HSD17B12: variants seen among roughly 807,000 people sequenced by gnomAD.
HSD17B12 encodes hydroxysteroid 17-beta dehydrogenase 12.
HSD17B12 carries 32 observed loss-of-function variants against 39.3 expected under a neutral mutation model. That is an observed-to-expected ratio of 0.81 (90% CI 0.61 to 1.09). The LOEUF is 1.09. Among genes scored for constraint, HSD17B12 ranks in the 50% least tolerant of loss-of-function variants. HSD17B12 has a pLI of 0.00. For synonymous variants in HSD17B12, 150 were observed against 146.7 expected, an observed-to-expected ratio of 1.02 and a Z score of -0.16; for missense variants, 342 against 382.9, an observed-to-expected ratio of 0.89 and a Z score of 0.89.
the HSD17B12 span, among the ~76,000 whole-genome samples, chr11:43,637,457 G>A: frequency 1.3e-5 from 2 of 152,090 alleles, no homozygotes; most frequent in Admixed American, 1.3e-4. Flanking sequence ...CTGACCTCAG[G>A]TGATCCGCAG....
chr11:43,762,516 T>G (rs770803552), intron 3 of HSD17B12, among the ~76,000 whole-genome samples: 3 of 152,236 alleles, frequency 2.0e-5, no homozygotes, highest in Non-Finnish European at 4.4e-5. Context: ...TGACATTCAG[T>G]TTATGGCCGG....
the HSD17B12 span, among the ~76,000 whole-genome samples, chr11:43,584,926 G>A: frequency 6.6e-6 from 1 of 152,232 alleles, no homozygotes; most frequent in Non-Finnish European, 1.5e-5. Flanking sequence ...CCCCTAAGCA[G>A]GACTTGGGCC....
chr11:43,827,758 T>C (rs1161584258), intron 6 of HSD17B12, among the ~76,000 whole-genome samples: 2 of 152,224 alleles, frequency 1.3e-5, no homozygotes, highest in African/African-American at 2.4e-5. Context: ...TTTGATTTTG[T>C]ATAAGCGAAA....
chr11:43,679,472 TTAAG>T (rs1949720549), upstream of HSD17B12, among the ~76,000 whole-genome samples: 1 of 152,168 alleles, frequency 6.6e-6, no homozygotes, highest in African/African-American at 2.4e-5. Context: ...CAAAATCTCC[TTAAG>T]TTTTACACAA....
At chr11:43,666,094 A>C in the HSD17B12 span, among the ~76,000 whole-genome samples, 1 of 148,530 alleles carries the variant, frequency 6.7e-6, no homozygotes, top group Admixed American at 6.7e-5. Context: ...CTTCCTTTCC[A>C]CTCCAGTCAT....
intron 4 of HSD17B12, among the ~76,000 whole-genome samples, chr11:43,810,101 G>A (rs1055676007): frequency 2.0e-5 from 3 of 152,004 alleles, no homozygotes; most frequent in Non-Finnish European, 4.4e-5. Context: ...GGGGTTACCC[G>A]TATCTGTTAG....
At chr11:43,657,761 T>C in the HSD17B12 span, among the ~76,000 whole-genome samples, 148,176 of 152,278 alleles carry the variant, frequency 0.97, 72,227 homozygotes, top group Middle Eastern at 1. Flanking sequence ...GAGTTTCTGC[T>C]GAGAGATCAG....
chr11:43,850,326 G>C (rs1480248019), intron 9 of HSD17B12, among the ~76,000 whole-genome samples: 1 of 152,154 alleles, frequency 6.6e-6, no homozygotes, highest in African/African-American at 2.4e-5. Flanking sequence ...TGAATACACA[G>C]ATTTCAGGAA....
intron 1 of HSD17B12, among the ~76,000 whole-genome samples, chr11:43,726,129 G>T (rs2134876495): frequency 6.6e-6 from 1 of 152,266 alleles, no homozygotes; most frequent in Non-Finnish European, 1.5e-5. Context: ...CTTACGTAAT[G>T]CTAATTAGGT....
At chr11:43,710,801 G>GT (rs1298911608) in intron 1 of HSD17B12, among the ~76,000 whole-genome samples, 2 of 151,766 alleles carry the variant, frequency 1.3e-5, no homozygotes, top group Non-Finnish European at 2.9e-5. Flanking sequence ...GTATTTTTTC[G>GT]TTTTTTTGAG....
chr11:43,672,142 G>A, the HSD17B12 span, among the ~76,000 whole-genome samples: 7 of 152,094 alleles, frequency 4.6e-5, no homozygotes, highest in East Asian at 1.9e-4. Flanking sequence ...TCTGCCTCCC[G>A]GGTTCACGCC....
intron 4 of HSD17B12, among the ~76,000 whole-genome samples, chr11:43,804,488 C>T (rs975715799): frequency 1.1e-4 from 17 of 152,132 alleles, no homozygotes; most frequent in African/African-American, 4.1e-4. Context: ...CACTGATTGC[C>T]AAAGCTGGAA....
chr11:43,609,298 T>A, the HSD17B12 span, among the ~76,000 whole-genome samples: 18 of 149,558 alleles, frequency 1.2e-4, no homozygotes, highest in African/African-American at 3.4e-4. Flanking sequence ...ATGATGAATA[T>A]AATTTAGTAC....
chr11:43,579,689 G>A, the HSD17B12 span, among the ~76,000 whole-genome samples: 1 of 152,096 alleles, frequency 6.6e-6, no homozygotes, highest in East Asian at 1.9e-4. Flanking sequence ...GCAGACGCTC[G>A]GAGGGTGTGT....
At chr11:43,644,100 G>C in the HSD17B12 span, 1 of 152,276 alleles carries the variant, frequency 6.6e-6, no homozygotes, top group Non-Finnish European at 1.5e-5. Flanking sequence ...GAAAGTAGGT[G>C]CAACAATTGG....
chr11:43,701,530 G>A (rs375077583), intron 1 of HSD17B12, among the ~76,000 whole-genome samples: 1 of 152,240 alleles, frequency 6.6e-6, no homozygotes, highest in Admixed American at 6.5e-5. Flanking sequence ...GAGATAGGGG[G>A]TCTAGTTTCA....
intron 6 of HSD17B12, among the ~76,000 whole-genome samples, chr11:43,820,070 A>G (rs1951166491): frequency 6.6e-6 from 1 of 152,150 alleles, no homozygotes; most frequent in Non-Finnish European, 1.5e-5. Flanking sequence ...ATCACAGTTG[A>G]CTAGTGACCA....
At chr11:43,693,530 G>A (rs1949882504) in intron 1 of HSD17B12, among the ~76,000 whole-genome samples, 1 of 152,172 alleles carries the variant, frequency 6.6e-6, no homozygotes, top group Non-Finnish European at 1.5e-5. Flanking sequence ...ATATAGTGGT[G>A]CAAGCTAAGT....
chr11:43,840,065 G>A lies in HSD17B12; in HGVS notation c.684+1G>A, dbSNP rs1951410470. The A allele has an allele frequency of 1.2e-6, 2 of 1,610,512 alleles. No homozygotes were observed. The highest frequency in any genetic ancestry group is 1.7e-5 in the Admixed American group (1 of 59,458). ...TAGGAGCAAGGGCGTCTTTGTGCAG[G>A]TGAGTGGAGTTTGTTTCACTTAAGT... On this transcript the variant is annotated splice_donor_variant, in intron 9 of 10. Coordinates refer to ENST00000278353, the MANE Select transcript of HSD17B12 (RefSeq NM_016142.3). LOFTEE classifies it high-confidence loss of function.
Sources: allele counts gnomAD v4.1 joint callset (sites outside exome capture counted in the v4.1 genomes callset), GRCh38; gene constraint gnomAD v4.1.1; transcripts MANE v1.5; gene names NCBI Gene and HGNC (gene_info 2026-07-23, HGNC 2026-07-21).